Variants in AXIN2 observed in about 807,000 individuals in gnomAD.
AXIN2 encodes axin 2.
In AXIN2, 21 loss-of-function variants were observed where a neutral mutation model predicts 74.7. That is an observed-to-expected ratio of 0.28 (90% CI 0.20 to 0.40). The LOEUF is 0.40. AXIN2 is among the 10% of genes least tolerant of loss of function. The pLI is 1.00. For missense variants in AXIN2, 1,144 were observed against 1,111.1 expected, an observed-to-expected ratio of 1.03 and a Z score of -0.42; for synonymous variants, 532 against 454.9, an observed-to-expected ratio of 1.17 and a Z score of -2.16.
Position 65,537,616 on chromosome 17 carries a change from G to C in AXIN2, c.1420C>G (p.His474Asp). 6.4e-7 allele frequency: 1 copy of C among 1,559,184 alleles called. No homozygotes were observed. The highest frequency in any genetic ancestry group is 1.1e-5 in the South Asian group (1 of 87,464). Residue 474 changes from histidine to aspartate, a missense_variant, in exon 6 of 11, where the codon CAT (histidine) becomes GAT (aspartate). Around this residue, in one of 4 missense-constraint regions of AXIN2, gnomAD observed 1,053 missense variants for 973.5 expected, o/e 1.08. Transcript: ENST00000307078. ...GGGAGCAGGGAGTGGTACTGCGAATGGTGGTGGTGGTGGTGGTCCGGGGAG... is the reference window on the plus strand; with the variant it reads ...GGGAGCAGGGAGTGGTACTGCGAATCGTGGTGGTGGTGGTGGTCCGGGGAG... The part of the protein sequence containing the change: ...SRSPDHHHHH[H>D]SQYHSLLPPG...
chr17:65,542,473 G>C (rs752503024), intron 3 of AXIN2, among the ~76,000 whole-genome samples: 31 of 152,224 alleles, frequency 2.0e-4, no homozygotes, highest in Non-Finnish European at 3.5e-4. Context: ...GAGAATCACT[G>C]GTGAGTGGGT....
chr17:65,537,092 C>T, intron 6 of AXIN2, 29 bp from the exon 7 acceptor site: 1 of 1,592,444 alleles, frequency 6.3e-7, no homozygotes, highest in Non-Finnish European at 8.5e-7. Flanking sequence ...CACACCCAAC[C>T]CAGAGACCCG....
intron 4 of AXIN2, among the ~76,000 whole-genome samples, chr17:65,540,257 G>A (rs968993020): frequency 1.8e-4 from 28 of 152,206 alleles, no homozygotes; most frequent in Non-Finnish European, 2.8e-4. Flanking sequence ...TGTCCCAAGG[G>A]GGGGCAGAGG....
intron 2 of AXIN2, among the ~76,000 whole-genome samples, chr17:65,549,997 G>C (rs377366206): frequency 6.6e-6 from 1 of 152,202 alleles, no homozygotes; most frequent in African/African-American, 2.4e-5. Flanking sequence ...GGAGGCCATG[G>C]AATAGAAGAG....
chr17:65,540,782 C>A (rs975455956), intron 4 of AXIN2, among the ~76,000 whole-genome samples: 2 of 152,176 alleles, frequency 1.3e-5, no homozygotes, highest in Admixed American at 6.5e-5. Flanking sequence ...CTTCCCCTTG[C>A]GCATCATGAT....
At chr17:65,531,953 T>C (rs975018390) in intron 10 of AXIN2, among the ~76,000 whole-genome samples, 2 of 151,906 alleles carry the variant, frequency 1.3e-5, no homozygotes, top group Non-Finnish European at 2.9e-5. Context: ...AGGGGGGATG[T>C]ATTTGTACAA....
rs909823498 is a variant in AXIN2, at chr17:65,558,753, G to C, written c.-116-17C>G. The C allele has an allele frequency of 9.1e-5, 81 of 894,520 alleles. No homozygotes were observed. Among genetic ancestry groups the C allele is most frequent in the Non-Finnish European group, 1.4e-4 (77 of 565,754 alleles). 55.4% of individuals were successfully genotyped at this position (894,520 alleles called of 1,614,324 possible). ...ACCTCCTCTCTGGAAAGAAAAGGAA[G>C]GGGGGAGGTGGGGAGAGAGAAAAGG... On this transcript the variant is annotated splice_polypyrimidine_tract_variant and intron_variant, in intron 1 of 10. Transcript: ENST00000307078.
chr17:65,536,741 A>T, intron 7 of AXIN2, 128 bp downstream of exon 7: 1 of 1,470,476 alleles, frequency 6.8e-7, no homozygotes, highest in Non-Finnish European at 9.5e-7. Context: ...CCAACGTTTA[A>T]TATTAAGATG....
rs2043932509 is a variant in AXIN2, at chr17:65,536,924, C to G, written c.1852G>C (p.Asp618His). 6.2e-7 allele frequency: 1 copy of G among 1,613,708 alleles called. No homozygotes were observed. The highest frequency in any genetic ancestry group is 8.5e-7 in the Non-Finnish European group (1 of 1,180,002). Residue 618 changes from aspartate (D) to histidine (H), a missense_variant, in exon 7 of 11, where the codon GAT becomes CAT. Coordinates refer to ENST00000307078, the MANE Select transcript of AXIN2 (RefSeq NM_004655.4). The part of the protein sequence containing the change: ...LPREEGDRSQ[D>H]VWQWMLESER... The stretch of plus-strand genomic sequence containing the variant: ...CTCTCCAGCATCCACTGCCAGACAT[C>G]CTGCGACCTGTCTCCTTCCTCCCGG...
chr17:65,556,411 G>A (rs1390269115), intron 2 of AXIN2, among the ~76,000 whole-genome samples: 1 of 152,190 alleles, frequency 6.6e-6, no homozygotes, highest in South Asian at 2.1e-4. Flanking sequence ...ACCTACTGCA[G>A]AGGCCAGACC....
chr17:65,558,479 G>A lies in AXIN2; in HGVS notation c.142C>T (p.Pro48Ser), dbSNP rs373435521. The change falls in exon 2 of 11, where the codon CCC (proline) becomes TCC (serine). Residue 48 changes from proline (P) to serine (S), a missense_variant. Pro to Ser is a moderately conservative substitution (Grantham distance 74). Around this residue, in one of 4 missense-constraint regions of AXIN2, gnomAD observed 1,053 missense variants for 973.5 expected, o/e 1.08. Coordinates refer to ENST00000307078, the MANE Select transcript of AXIN2 (RefSeq NM_004655.4). ...CTGGTGTTGGAAGAGACAGGCATGG[G>A]TTTGGTGACCTGGCCCTTGCCCACC... is the stretch of plus-strand genomic sequence containing the variant. ...PGVGKGQVTK[P>S]MPVSSNTRRN... The A allele has an allele frequency of 2.5e-6, 4 of 1,608,790 alleles. No homozygotes were observed. The African/African-American group carries it at 4.0e-5, about 16-fold the overall frequency.
In AXIN2 at chr17:65,529,883, T is replaced by G; in HGVS notation, c.*93A>C. 6.2e-7 allele frequency: 1 copy of G among 1,606,548 alleles called. No individual in the cohort carries two copies. The highest frequency in any genetic ancestry group is 2.0e-4 in the Middle Eastern group (1 of 4,920). ...CTTTGTCTTCTTCATTGGTTTAATT[T>G]TCCTTCAAAATGTTTTGTCGCAGTT... On this transcript the variant is annotated 3_prime_UTR_variant, in exon 11 of 11. Coordinates refer to ENST00000307078, the MANE Select transcript of AXIN2 (RefSeq NM_004655.4).
rs1390893407 is a variant in AXIN2, at chr17:65,529,615, G to C, written c.*361C>G. On this transcript the variant is annotated 3_prime_UTR_variant, in exon 11 of 11. Transcript: ENST00000307078. The stretch of plus-strand genomic sequence containing the variant: ...TCAACTGTTCTATAAATATCAGTAA[G>C]GATTCCTGTTCAGGTAAGCTATACA... 2 of 402,146 alleles carry C rather than the reference G, an allele frequency of 5.0e-6. No individual in the cohort carries two copies. Among genetic ancestry groups the C allele is most frequent in the South Asian group, 2.8e-5 (1 of 36,274 alleles). The allele number at this position is 402,146 out of a possible 1,614,324, so 24.9% of individuals were successfully genotyped here.
Position 65,537,767 on chromosome 17 carries a change from G to A in AXIN2, c.1269C>T (p.Leu423=), listed in dbSNP as rs2144467168. The change falls in exon 6 of 11, where the codon CTC becomes CTT. Residue 423 remains leucine (L), a synonymous_variant. Transcript: ENST00000307078. ...SREGAPTQHP[L]SLLPSGSYEE... is the part of the protein sequence containing the mutation. ...CGTAGCTGCCGGAGGGCAGTAGGGA[G>A]AGGGGGTGCTGCGTGGGCGCCCCCT... 8 of 1,586,162 alleles carry A rather than the reference G, an allele frequency of 5.0e-6. No homozygotes were observed. The highest frequency in any genetic ancestry group is 6.0e-6 in the Non-Finnish European group (7 of 1,165,906).
intron 3 of AXIN2, among the ~76,000 whole-genome samples, chr17:65,542,477 A>G (rs913155920): frequency 1.3e-5 from 2 of 152,256 alleles, no homozygotes; most frequent in Non-Finnish European, 1.5e-5. Flanking sequence ...ATCACTGGTG[A>G]GTGGGTAAGC....
rs764140840 is a variant in AXIN2, at chr17:65,536,974, C to G, written c.1802G>C (p.Gly601Ala). ...ALPAREGGAP[G>A]GAGALQLPRE... ...GGGAAGCTGCAGGGCCCCAGCTCCG[C>G]CGGGGGCCCCTCCTTCCCTGGCGGG... Residue 601 changes from glycine to alanine, a missense_variant, in exon 7 of 11, where the codon GGC (glycine) becomes GCC (alanine). By Grantham distance (60) the Gly-to-Ala change is moderately conservative. This residue lies in a region of AXIN2 where 1,053 missense variants were observed against 973.5 expected (regional missense o/e 1.08). Transcript: ENST00000307078. The G allele has an allele frequency of 6.2e-6, 10 of 1,612,924 alleles. No individual in the cohort carries two copies. The East Asian group carries it at 2.2e-4, about 36-fold the overall frequency.
chr17:65,538,068 CCA>C (rs1650510660), intron 5 of AXIN2, 133 bp downstream of exon 5: 5 of 1,502,550 alleles, frequency 3.3e-6, no homozygotes, highest in Non-Finnish European at 4.5e-6. Flanking sequence ...AGGCACACAC[CCA>C]CACGCAGCCC....
At position 65,536,899 on chromosome 17, in the gene AXIN2, C is replaced by A; in HGVS notation, c.1877G>T (p.Ser626Ile). The change falls in exon 7 of 11, where the codon AGT (serine) becomes ATT (isoleucine). Residue 626 changes from serine to isoleucine, a missense_variant. By Grantham distance (142) the Ser-to-Ile change is moderately radical. Transcript: ENST00000307078. ...SQDVWQWMLE[S>I]ERQSKPKPHS... ...GGGCTTGGGCTTGCTCTGCCGCTCA[C>A]TCTCCAGCATCCACTGCCAGACATC... 6.2e-7 allele frequency: 1 copy of A among 1,613,620 alleles called. No individual in the cohort carries two copies. Among genetic ancestry groups the A allele is most frequent in the Non-Finnish European group, 8.5e-7 (1 of 1,179,974 alleles).
At chr17:65,546,604 T>A (rs745436949) in intron 3 of AXIN2, among the ~76,000 whole-genome samples, 25 of 152,266 alleles carry the variant, frequency 1.6e-4, no homozygotes, top group Non-Finnish European at 3.1e-4. Flanking sequence ...CATGAGACAA[T>A]GCCCAAGAGA....
Sources: allele counts gnomAD v4.1 joint callset (sites outside exome capture counted in the v4.1 genomes callset), GRCh38; gene constraint gnomAD v4.1.1; regional missense constraint gnomAD v4.1.1; transcripts MANE v1.5; gene names NCBI Gene and HGNC (gene_info 2026-07-23, HGNC 2026-07-21).